The following RND2 variants were observed in gnomAD, a reference collection of about 807,000 sequenced individuals.
RND2 encodes the protein rho-related GTP-binding protein RhoN.
In RND2, 16 loss-of-function variants were observed where a neutral mutation model predicts 25.9. That is an observed-to-expected ratio of 0.62 (90% CI 0.42 to 0.94). The LOEUF (loss-of-function observed/expected upper bound fraction) is 0.94, where lower values mean the gene tolerates loss of function less well. Ranked by LOEUF, RND2 falls within the 40% of genes least tolerant of loss-of-function variation. The probability of loss-of-function intolerance (pLI) is 0.00; values close to 1 mark genes in which losing one functional copy is unlikely to be tolerated. For synonymous variants in RND2, 97 were observed against 118.1 expected, an observed-to-expected ratio of 0.82 and a Z score of 1.16; for missense variants, 276 against 305.5, an observed-to-expected ratio of 0.90 and a Z score of 0.72.
intron 3 of RND2, among the ~76,000 whole-genome samples, chr17:43,027,502 G>T (rs1043230467): frequency 2.6e-5 from 4 of 152,188 alleles, no homozygotes; most frequent in Non-Finnish European, 4.4e-5. Context: ...GGATACAGCA[G>T]CTAGGGGAGG....
Position 43,025,299 on chromosome 17 carries a change from C to T in RND2, c.-49C>T. 2 of 1,419,288 alleles carry T rather than the reference C, an allele frequency of 1.4e-6. No individual in the cohort carries two copies. The highest frequency in any genetic ancestry group is 1.9e-6 in the Non-Finnish European group (2 of 1,076,310). The allele number at this position is 1,419,288 out of a possible 1,614,324, so 87.9% of individuals were successfully genotyped here. Reference sequence around the variant, plus strand: ...GTTGCAGGGGCGGGGGAGGCGGCGGCGGGGCCCGGGAGAGGGGTGGCGTGG... The same window carrying T: ...GTTGCAGGGGCGGGGGAGGCGGCGGTGGGGCCCGGGAGAGGGGTGGCGTGG... On this transcript the variant is annotated 5_prime_UTR_variant, in exon 1 of 5. Coordinates refer to ENST00000587250, the MANE Select transcript of RND2 (RefSeq NM_005440.5).
At chr17:43,027,343 A>G in intron 3 of RND2, 51 bp downstream of exon 3, 1 of 1,261,808 alleles carries the variant, frequency 7.9e-7, no homozygotes, top group Non-Finnish European at 1.1e-6. Context: ...CCAGACCACC[A>G]TGGTCCTGAC....
intron 1 of RND2, 67 bp downstream of exon 1, chr17:43,025,516 C>T: frequency 1.3e-6 from 2 of 1,501,828 alleles, no homozygotes; most frequent in Non-Finnish European, 8.9e-7. Flanking sequence ...GGGGCCCTGG[C>T]GACGGATGGG....
At chr17:43,025,847 A>C in intron 1 of RND2, 113 bp from the exon 2 acceptor site, 1 of 368,540 alleles carries the variant, frequency 2.7e-6, no homozygotes, top group South Asian at 2.9e-5. Flanking sequence ...GCCCAATCCC[A>C]GACCAACTTG....
intron 1 of RND2, 114 bp downstream of exon 1, chr17:43,025,563 G>T: frequency 7.0e-7 from 1 of 1,424,156 alleles, no homozygotes; most frequent in Non-Finnish European, 9.4e-7. Context: ...AGAGACAGGG[G>T]GTCGGAGGAC....
rs1230031021 is a variant in RND2 at position 43,031,523 on chromosome 17, C to T, written c.*2843C>T. On this transcript the variant is annotated 3_prime_UTR_variant, in exon 5 of 5. Coordinates refer to ENST00000587250, the MANE Select transcript of RND2 (RefSeq NM_005440.5). Reference sequence around the variant, plus strand: ...CTTGCGATTTTTAGCTGAGTGGCTTCTCTTTTCCACTTTGGACTTCTCAGT... The same window carrying T: ...CTTGCGATTTTTAGCTGAGTGGCTTTTCTTTTCCACTTTGGACTTCTCAGT... The T allele has an allele frequency of 6.6e-6, 1 of 152,212 alleles. No individual in the cohort carries two copies. Among genetic ancestry groups the T allele is most frequent in the African/African-American group, 2.4e-5 (1 of 41,452 alleles). The allele number at this position is 152,212 out of a possible 1,614,324, so 9.4% of individuals were successfully genotyped here. A position where few individuals can be genotyped will look rare whatever the true frequency, so the allele number is the denominator to read the frequency against.
At chr17:43,027,136 C>T in intron 2 of RND2, 47 bp from the exon 3 acceptor site, 16 of 1,267,700 alleles carry the variant, frequency 1.3e-5, no homozygotes, top group Non-Finnish European at 1.8e-5. Context: ...CCATTCCCTT[C>T]CAGGCCTCCC....
Position 43,025,423 on chromosome 17 carries a change from G to C in RND2, c.76G>C (p.Val26Leu), listed in dbSNP as rs1330516244. 6.4e-7 allele frequency: 1 copy of C among 1,551,760 alleles called. No homozygotes were observed. The highest frequency in any genetic ancestry group is 2.0e-5 in the Admixed American group (1 of 50,898). ...GTGCGGCAAGACGGCGCTGCTGCAGGTGTTCGCCAAGGACGCCTATCCCGG... is the reference window on the plus strand; with the variant it reads ...GTGCGGCAAGACGGCGCTGCTGCAGCTGTTCGCCAAGGACGCCTATCCCGG... ...AECGKTALLQ[V>L]FAKDAYPGSY... Residue 26 changes from valine to leucine, a missense_variant, in exon 1 of 5, where the codon GTG becomes CTG. Transcript: ENST00000587250.
intron 3 of RND2, among the ~76,000 whole-genome samples, chr17:43,027,598 G>A (rs991884502): frequency 2.0e-5 from 3 of 152,202 alleles, no homozygotes; most frequent in African/African-American, 7.2e-5. Flanking sequence ...TGGAGGGGAT[G>A]GGATGGGAAG....
Position 43,028,443 on chromosome 17 carries a change from G to C in RND2, c.447G>C (p.Leu149=). The C allele has an allele frequency of 6.2e-7, 1 of 1,613,982 alleles. No individual in the cohort carries two copies. The highest frequency in any genetic ancestry group is 8.5e-7 in the Non-Finnish European group (1 of 1,179,846). The change falls in exon 5 of 5, where the codon CTG becomes CTC. Residue 149 remains leucine, a synonymous_variant. Transcript: ENST00000587250. ...CCTTCCTTTTCCAGGGCACTGTGCTGGCCAAGCAGGTGGGGGCTGTGTCCT... is the reference window on the plus strand; with the variant it reads ...CCTTCCTTTTCCAGGGCACTGTGCTCGCCAAGCAGGTGGGGGCTGTGTCCT... The part of the protein sequence containing the change: ...IPVTHEQGTV[L]AKQVGAVSYV...
At position 43,028,681 on chromosome 17, in the gene RND2, G is replaced by C; in HGVS notation, c.*1G>C. On this transcript the variant is annotated 3_prime_UTR_variant, in exon 5 of 5. Coordinates refer to ENST00000587250, the MANE Select transcript of RND2 (RefSeq NM_005440.5). The stretch of plus-strand genomic sequence containing the variant: ...AGCCAAAAGCTGCAACCTCATGTGA[G>C]GGGCTAGGAGAGGGCAGAGTGTGAA... 1 of 1,561,820 alleles carries C rather than the reference G, an allele frequency of 6.4e-7. No homozygotes were observed. The highest frequency in any genetic ancestry group is 8.7e-7 in the Non-Finnish European group (1 of 1,152,626).
chr17:43,028,263 T>C (rs1385566449), intron 4 of RND2, 68 bp downstream of exon 4: 1 of 1,605,504 alleles, frequency 6.2e-7, no homozygotes, highest in Non-Finnish European at 8.5e-7. Context: ...AGTCTCTGAT[T>C]TGAAAACACC....
At chr17:43,027,679 G>A (rs1223156760) in intron 3 of RND2, among the ~76,000 whole-genome samples, 1 of 152,126 alleles carries the variant, frequency 6.6e-6, no homozygotes, top group Non-Finnish European at 1.5e-5. Context: ...AAAAGCCAGG[G>A]GTGAATGGAC....
chr17:43,028,360 A>G (rs1207371115), intron 4 of RND2, 72 bp from the exon 5 acceptor site: 3 of 1,591,018 alleles, frequency 1.9e-6, no homozygotes, highest in African/African-American at 2.7e-5. Flanking sequence ...CCCAGCCCAC[A>G]GCCTCCATGC....
intron 1 of RND2, 26 bp downstream of exon 1, chr17:43,025,475 G>A: frequency 1.3e-6 from 2 of 1,542,714 alleles, no homozygotes; most frequent in African/African-American, 1.4e-5. Context: ...CTTGGGAGGG[G>A]GACGCTAAGG....
Position 43,028,677 on chromosome 17 carries a change from G to GT in RND2, c.682dup (p.Ter228LeufsTer4), listed in dbSNP as rs751908479. ...ATCGAGCCAAAAGCTGCAACCTCAT[G>GT]TGAGGGGCTAGGAGAGGGCAGAGTG... On this transcript the variant is annotated frameshift_variant, in exon 5 of 5. Coordinates refer to ENST00000587250, the MANE Select transcript of RND2 (RefSeq NM_005440.5). LOFTEE classifies it high-confidence loss of function. The GT allele has an allele frequency of 6.4e-7, 1 of 1,569,332 alleles. No individual in the cohort carries two copies. The highest frequency in any genetic ancestry group is 1.4e-5 in the African/African-American group (1 of 74,052).
intron 2 of RND2, 61 bp from the exon 3 acceptor site, chr17:43,027,122 T>C (rs1487288583): frequency 5.9e-6 from 6 of 1,020,442 alleles, no homozygotes; most frequent in Non-Finnish European, 8.7e-6. Flanking sequence ...ATCTGTAAGG[T>C]CTCCCATTCC....
chr17:43,028,655 G>A lies in RND2; in HGVS notation c.659G>A (p.Arg220Gln), dbSNP rs183683037. ...RGNEGEIHKD[R>Q]AKSCNLM is the part of the protein sequence containing the mutation. ...AATGAGGGCGAGATACACAAGGATC[G>A]AGCCAAAAGCTGCAACCTCATGTGA... The change falls in exon 5 of 5, where the codon CGA becomes CAA. Residue 220 changes from arginine (R) to glutamine (Q), a missense_variant. Arg to Gln is a conservative substitution (Grantham distance 43, BLOSUM62 1). Coordinates refer to ENST00000587250, the MANE Select transcript of RND2 (RefSeq NM_005440.5). The A allele has an allele frequency of 3.8e-6, 6 of 1,589,290 alleles. No individual in the cohort carries two copies. Among genetic ancestry groups the A allele is most frequent in the East Asian group, 2.3e-5 (1 of 43,582 alleles).
In RND2 at chr17:43,025,468, G is replaced by A; in HGVS notation, c.102+19G>A. ...TCCCGGGGTGAGGGACCTGCGTCTT[G>A]GGAGGGGGACGCTAAGGCTGCTGGG... is the stretch of plus-strand genomic sequence containing the variant. On this transcript the variant is annotated intron_variant, in intron 1 of 4. Coordinates refer to ENST00000587250, the MANE Select transcript of RND2 (RefSeq NM_005440.5). The A allele has an allele frequency of 6.5e-7, 1 of 1,545,292 alleles. No homozygotes were observed. The highest frequency in any genetic ancestry group is 8.7e-7 in the Non-Finnish European group (1 of 1,144,326).
Sources: gnomAD v4.1 joint callset for allele counts (sites outside exome capture counted in the v4.1 genomes callset) on GRCh38, gnomAD v4.1.1 for gene constraint, MANE v1.5 for transcripts, NCBI Gene and HGNC (gene_info 2026-07-23, HGNC 2026-07-21) for gene names.